INTS4: variants seen among roughly 807,000 people sequenced by gnomAD.
INTS4 encodes MSTP093.
A neutral mutation model predicts 119.5 loss-of-function variants in INTS4; 70 were observed. That is an observed-to-expected ratio of 0.59 (90% confidence interval 0.48 to 0.71). The LOEUF is 0.71. INTS4 is among the 30% of genes least tolerant of loss of function. The pLI is 0.00. For missense variants in INTS4, 867 were observed against 1,173.2 expected (o/e 0.74, Z 3.81); for synonymous variants, 316 against 419.6 (o/e 0.75, Z 3.02).
At chr11:77,938,225 G>A (rs890788783) in intron 10 of INTS4, among the ~76,000 whole-genome samples, 9 of 152,136 alleles carry the variant, frequency 5.9e-5, no homozygotes, top group African/African-American at 2.2e-4. Context: ...ACATACCTAG[G>A]TTTAAATCTT....
chr11:77,878,492 G>C (rs1037201838), downstream of INTS4, among the ~76,000 whole-genome samples: 2 of 152,058 alleles, frequency 1.3e-5, no homozygotes, highest in Admixed American at 6.6e-5. Context: ...AGGTCCTTCA[G>C]CAACTGTCAA....
downstream of INTS4, chr11:77,876,926 A>AC: frequency 1.4e-6 from 1 of 702,872 alleles, no homozygotes; most frequent in South Asian, 1.5e-5. Context: ...GGCAGCAGCC[A>AC]TGGTTCTTCA....
In INTS4 at chr11:77,974,247, T is replaced by A. The variant is rs58032818; in HGVS notation, c.471+4749A>T. On this transcript the variant is annotated intron_variant, in intron 4 of 22. Coordinates refer to ENST00000534064, the MANE Select transcript of INTS4 (RefSeq NM_033547.4). ...ATATAATTTTTCTTTTCTTTTTTTT[T>A]TTTTTTTTTTTTTGAGATGGAGTCT... Among the ~76,000 whole-genome samples the A allele has an allele frequency of 5.4e-4, 57 of 105,010 alleles. 2 individuals carry two copies. Among genetic ancestry groups the A allele is most frequent in the Non-Finnish European group, 7.2e-4 (33 of 45,984 alleles). 68.9% of individuals were successfully genotyped at this position (105,010 alleles called of 152,430 possible).
intron 10 of INTS4, 56 bp downstream of exon 10, chr11:77,938,595 C>T: frequency 6.4e-7 from 1 of 1,574,732 alleles, no homozygotes; most frequent in Non-Finnish European, 8.6e-7. Flanking sequence ...CAGTATAATG[C>T]CTGACACACA....
At chr11:77,933,078 G>A (rs7939854) in intron 10 of INTS4, among the ~76,000 whole-genome samples, 58,256 of 151,688 alleles carry the variant, frequency 0.38, 11,361 homozygotes, top group African/African-American at 0.42. Context: ...TGCACGTTCT[G>A]CACATGTACC....
At chr11:77,945,051 C>A (rs1169018256) in intron 8 of INTS4, among the ~76,000 whole-genome samples, 2 of 152,124 alleles carry the variant, frequency 1.3e-5, no homozygotes, top group Non-Finnish European at 2.9e-5. Flanking sequence ...CTGCAGAGCA[C>A]CAGAGAAAGG....
At chr11:77,885,068 T>C (rs1951945700) in intron 21 of INTS4, among the ~76,000 whole-genome samples, 1 of 151,528 alleles carries the variant, frequency 6.6e-6, no homozygotes, top group Non-Finnish European at 1.5e-5. Context: ...CCTACCCTTA[T>C]TTCTTTTTCT....
chr11:77,969,526 T>C (rs1855629461), intron 4 of INTS4, among the ~76,000 whole-genome samples: 1 of 152,112 alleles, frequency 6.6e-6, no homozygotes, highest in African/African-American at 2.4e-5. Context: ...GGGCTACAGA[T>C]GTGCACCATC....
chr11:77,976,211 G>A (rs1855944411), intron 4 of INTS4, among the ~76,000 whole-genome samples: 1 of 152,136 alleles, frequency 6.6e-6, no homozygotes, highest in Admixed American at 6.5e-5. Flanking sequence ...CTAGAATAAT[G>A]CAGTGAAACT....
chr11:77,875,841 T>C (rs1951579518), downstream of INTS4, among the ~76,000 whole-genome samples: 1 of 151,994 alleles, frequency 6.6e-6, no homozygotes, highest in South Asian at 2.1e-4. Context: ...GCTCAGCAGG[T>C]CCAAAGGCCT....
chr11:77,905,771 G>A (rs1952932737), intron 16 of INTS4, among the ~76,000 whole-genome samples: 1 of 152,176 alleles, frequency 6.6e-6, no homozygotes, highest in Admixed American at 6.5e-5. Context: ...GATGACCACA[G>A]TTAAAAAGCT....
intron 3 of INTS4, among the ~76,000 whole-genome samples, chr11:77,979,458 G>C (rs570665605): frequency 2.0e-5 from 3 of 151,942 alleles, no homozygotes; most frequent in East Asian, 1.9e-4. Context: ...CTGGGCAACA[G>C]AGCGAGACCC....
intron 1 of INTS4, among the ~76,000 whole-genome samples, chr11:77,992,021 GC>G: frequency 6.6e-6 from 1 of 150,852 alleles, no homozygotes; most frequent in Middle Eastern, 3.5e-3. Flanking sequence ...GACAGGTTTT[GC>G]CATGTTACCC....
chr11:77,991,742 T>C (rs550422761), intron 1 of INTS4, among the ~76,000 whole-genome samples: 4 of 152,184 alleles, frequency 2.6e-5, no homozygotes, highest in Admixed American at 6.5e-5. Context: ...CCTTTGGGTT[T>C]AGAGGTCACA....
intron 3 of INTS4, among the ~76,000 whole-genome samples, chr11:77,980,004 GAAA>G (rs71046935): frequency 7.2e-6 from 1 of 138,284 alleles, no homozygotes; most frequent in Admixed American, 7.4e-5. Flanking sequence ...AGAAGAAACA[GAAA>G]AAAAAAAAAG....
At chr11:77,972,831 GTT>G (rs36016105) in intron 4 of INTS4, among the ~76,000 whole-genome samples, 71 of 141,562 alleles carry the variant, frequency 5.0e-4, no homozygotes, top group East Asian at 6.1e-4. Context: ...TCTTTTGTGG[GTT>G]TTTTTTTTTT....
chr11:77,931,325 A>T (rs1953643930), intron 10 of INTS4, among the ~76,000 whole-genome samples: 1 of 152,214 alleles, frequency 6.6e-6, no homozygotes, highest in Non-Finnish European at 1.5e-5. Flanking sequence ...CAGCCAGTGA[A>T]ATAAGGCTCC....
At chr11:77,943,109 G>A (rs1485623120) in intron 8 of INTS4, among the ~76,000 whole-genome samples, 1 of 152,020 alleles carries the variant, frequency 6.6e-6, no homozygotes, top group African/African-American at 2.4e-5. Context: ...TTTTCTACTA[G>A]AATAAAATTT....
At chr11:77,928,592 TG>T (rs1176969166) in intron 10 of INTS4, 45 bp from the exon 11 acceptor site, 1 of 1,545,674 alleles carries the variant, frequency 6.5e-7, no homozygotes, top group African/African-American at 1.4e-5. Context: ...CTGGGCACAG[TG>T]GCTCACGCCT....
Sources: allele counts gnomAD v4.1 joint callset (sites outside exome capture counted in the v4.1 genomes callset), GRCh38; gene constraint gnomAD v4.1.1; transcripts MANE v1.5; gene names NCBI Gene and HGNC (gene_info 2026-07-23, HGNC 2026-07-21).